The following SBF1 variants were observed in gnomAD, a reference collection of about 807,000 sequenced individuals.
SBF1 encodes SET binding factor 1.
Under a neutral mutation model 215.8 loss-of-function variants are expected in SBF1, and 65 were observed. That is an observed-to-expected ratio of 0.30 (90% CI 0.25 to 0.37). SBF1 has a LOEUF of 0.37. Ranked by LOEUF, SBF1 falls within the 10% of genes least tolerant of loss-of-function variation. SBF1 has a pLI of 1.00. For synonymous variants in SBF1, 1,410 were observed against 1,122.8 expected (o/e 1.26, Z -5.11); for missense variants, 2,634 against 2,667.8 (o/e 0.99, Z 0.28).
At chr22:50,456,070 C>T (rs2067234238) in intron 31 of SBF1, 146 bp downstream of exon 31, 3 of 877,022 alleles carry the variant, frequency 3.4e-6, no homozygotes, top group South Asian at 3.6e-5. Context: ...CTTCTAGGCA[C>T]CAGAGCCTGG....
At position 50,461,241 on chromosome 22, in the gene SBF1, G is replaced by A. The variant is rs2067495480; in HGVS notation, c.2885C>T (p.Thr962Ile). ...CTGGACGCTGATGCGCTTCTCCTTGGTCAGCGCAGCCACCGGGAAGGAGCG... is the reference window on the plus strand; with the variant it reads ...CTGGACGCTGATGCGCTTCTCCTTGATCAGCGCAGCCACCGGGAAGGAGCG... ...VVRSFPVAAL[T>I]KEKRISVQTP... Residue 962 changes from threonine (T) to isoleucine (I), a missense_variant, in exon 23 of 41, where the codon ACC becomes ATC. Transcript: ENST00000380817. 4 of 1,613,364 alleles carry A rather than the reference G, an allele frequency of 2.5e-6. No individual in the cohort carries two copies. In the African/African-American group the frequency reaches 4.0e-5, roughly 16 times the overall value.
At chr22:50,473,088 G>A (rs922555120) in intron 1 of SBF1, among the ~76,000 whole-genome samples, 3 of 152,144 alleles carry the variant, frequency 2.0e-5, no homozygotes, top group Admixed American at 2.0e-4. Context: ...CAGCCAGCTT[G>A]TTGTGGAGCC....
At chr22:50,453,791 TA>T (rs879707358) in intron 36 of SBF1, among the ~76,000 whole-genome samples, 40 of 139,966 alleles carry the variant, frequency 2.9e-4, no homozygotes, top group South Asian at 6.8e-4. Context: ...CATCTCAAAA[TA>T]AAAAAAAAAA....
Position 50,461,844 on chromosome 22 carries a change from G to A in SBF1, c.2595C>T (p.Thr865=), listed in dbSNP as rs959265053. 6.2e-7 allele frequency: 1 copy of A among 1,613,816 alleles called. No homozygotes were observed. The highest frequency in any genetic ancestry group is 8.5e-7 in the Non-Finnish European group (1 of 1,180,030). Residue 865 remains threonine (T), a synonymous_variant, in exon 21 of 41, where the codon ACC becomes ACT. Transcript: ENST00000380817. ...GGCTCTCCCGCTGCACGGCCTCCAG[G>A]GTCTCGATGTGCATCTGGACAATGT... The part of the protein sequence containing the change: ...VPDIVQMHIE[T]LEAVQRESRR...
At position 50,465,790 on chromosome 22, in the gene SBF1, C is replaced by T. The variant is rs1411887281; in HGVS notation, c.1062G>A (p.Thr354=). 4.3e-6 allele frequency: 7 copies of T among 1,609,852 alleles called. No individual in the cohort carries two copies. The highest frequency in any genetic ancestry group is 4.5e-5 in the East Asian group (2 of 44,802). Residue 354 remains threonine, a synonymous_variant, in exon 10 of 41, where the codon ACG becomes ACA. Transcript: ENST00000380817. Reference sequence around the variant, plus strand: ...GCATCTTCAGGGAGGAGGTGGATGTCGTGGGCGGAGGGAAGGCGAGGTCAG... The same window carrying T: ...GCATCTTCAGGGAGGAGGTGGATGTTGTGGGCGGAGGGAAGGCGAGGTCAG... ...ELADLAFPPP[T]TSTSSLKMQD... is the part of the protein sequence containing the mutation.
rs188852156 is a variant in SBF1 at position 50,467,022 on chromosome 22, G to A, written c.550-312C>T. 304 of 569,678 alleles carry A rather than the reference G, an allele frequency of 5.3e-4. 1 individual carries two copies. Among genetic ancestry groups the A allele is most frequent in the Non-Finnish European group, 1.2e-4 (37 of 320,322 alleles). 35.3% of individuals were successfully genotyped at this position (569,678 alleles called of 1,614,324 possible). A position where few individuals can be genotyped will look rare whatever the true frequency, so the allele number is the denominator to read the frequency against. ...TCCAGCTGCACAGGACAGACGGGCA[G>A]AAAGACACGGTTAGACACTCCAACA... On this transcript the variant is annotated intron_variant, in intron 5 of 40. Transcript: ENST00000380817.
intron 6 of SBF1, 57 bp from the exon 7 acceptor site, chr22:50,466,539 G>A (rs993107462): frequency 6.5e-7 from 1 of 1,529,636 alleles, no homozygotes. Flanking sequence ...GGCAGAGTGA[G>A]AACCCACATC....
In SBF1 at chr22:50,468,317, G is replaced by A; in HGVS notation, c.141+59C>T. On this transcript the variant is annotated intron_variant, in intron 2 of 40. Transcript: ENST00000380817. The stretch of plus-strand genomic sequence containing the variant: ...GCCCCTCAGTCAGGGACAAGGGCAG[G>A]GCTGTGCCCACCTGCCCTCCCCACC... 5.3e-6 allele frequency: 8 copies of A among 1,509,638 alleles called. 1 individual carries two copies. The highest frequency in any genetic ancestry group is 4.6e-5 in the South Asian group (4 of 87,318). The allele number at this position is 1,509,638 out of a possible 1,614,324, so 93.5% of individuals were successfully genotyped here.
chr22:50,453,189 C>G (rs2067115852), intron 36 of SBF1, among the ~76,000 whole-genome samples: 1 of 152,076 alleles, frequency 6.6e-6, no homozygotes, highest in Non-Finnish European at 1.5e-5. Flanking sequence ...ACACACAGAC[C>G]AGTAAAAAAT....
intron 1 of SBF1, among the ~76,000 whole-genome samples, chr22:50,469,439 G>A (rs1418266695): frequency 6.6e-6 from 1 of 152,208 alleles, no homozygotes; most frequent in African/African-American, 2.4e-5. Flanking sequence ...TGGGGTAAAG[G>A]TCCCTGCCTG....
Position 50,457,033 on chromosome 22 carries a change from C to T in SBF1, c.3904+1G>A. On this transcript the variant is annotated splice_donor_variant, in intron 29 of 40. Coordinates refer to ENST00000380817, the MANE Select transcript of SBF1 (RefSeq NM_002972.4). LOFTEE classifies it high-confidence loss of function. ...GGGCCTGCGCAGGCTCGGTACGGTA[C>T]CTCGGGGTGCGGTCCGTCTGGAGGC... The T allele has an allele frequency of 7.0e-7, 1 of 1,432,568 alleles. No homozygotes were observed. Among genetic ancestry groups the T allele is most frequent in the Non-Finnish European group, 9.1e-7 (1 of 1,095,462 alleles). 88.7% of individuals were successfully genotyped at this position (1,432,568 alleles called of 1,614,324 possible).
At chr22:50,457,448 C>CGAGA in intron 28 of SBF1, 1 of 275,874 alleles carries the variant, frequency 3.6e-6, no homozygotes, top group South Asian at 1.2e-4. Flanking sequence ...GCCCTTTGTC[C>CGAGA]TCCACTCAGG....
chr22:50,463,435 G>T lies in SBF1; in HGVS notation c.1750-3C>A, dbSNP rs2067606816. 2 of 1,565,074 alleles carry T rather than the reference G, an allele frequency of 1.3e-6. No homozygotes were observed. The highest frequency in any genetic ancestry group is 1.3e-5 in the African/African-American group (1 of 74,074). Reference sequence around the variant, plus strand: ...GCCCTCAACACGGCTGGGAGCAGCTGGGGGTGGGGAAAGGAGACACGGGCT... The same window carrying T: ...GCCCTCAACACGGCTGGGAGCAGCTTGGGGTGGGGAAAGGAGACACGGGCT... On this transcript the variant is annotated splice_polypyrimidine_tract_variant and splice_region_variant and intron_variant, in intron 15 of 40. Transcript: ENST00000380817.
chr22:50,464,810 C>T lies in SBF1; in HGVS notation c.1431+9G>A, dbSNP rs2067677687. ...GGTACGACGCCCTCCCGTCCTGCTA[C>T]CCTCGTACGTTCTTGTAGAGCTGCT... is the stretch of plus-strand genomic sequence containing the variant. On this transcript the variant is annotated intron_variant, in intron 13 of 40. Transcript: ENST00000380817. The T allele has an allele frequency of 6.2e-7, 1 of 1,613,454 alleles. No homozygotes were observed. The highest frequency in any genetic ancestry group is 8.5e-7 in the Non-Finnish European group (1 of 1,179,912).
chr22:50,462,329 T>C lies in SBF1; in HGVS notation c.2272A>G (p.Ile758Val). ...TAGCTCATGCGGTTGGCATAGTGGA[T>C]GGCCTGGCTGAACACCGTGCTCTCC... Reference protein sequence around the residue: ...KEESTVFSQAIHYANRMSYLL... With the variant: ...KEESTVFSQAVHYANRMSYLL... The change falls in exon 19 of 41, where the codon ATC becomes GTC. Residue 758 changes from isoleucine to valine, a missense_variant. By Grantham distance (29) the Ile-to-Val change is conservative. Coordinates refer to ENST00000380817, the MANE Select transcript of SBF1 (RefSeq NM_002972.4). The C allele has an allele frequency of 1.2e-6, 2 of 1,614,088 alleles. No individual in the cohort carries two copies. Among genetic ancestry groups the C allele is most frequent in the East Asian group, 2.2e-5 (1 of 44,888 alleles).
rs566858916 is a variant in SBF1 at position 50,445,061 on chromosome 22, T to G, written c.*2081A>C. 1.3e-5 allele frequency: 2 copies of G among 152,576 alleles called. No homozygotes were observed. Among genetic ancestry groups the G allele is most frequent in the Non-Finnish European group, 2.9e-5 (2 of 68,134 alleles). 9.5% of individuals were successfully genotyped at this position (152,576 alleles called of 1,614,324 possible). A position where few individuals can be genotyped will look rare whatever the true frequency, so the allele number is the denominator to read the frequency against. On this transcript the variant is annotated 3_prime_UTR_variant, in exon 41 of 41. Coordinates refer to ENST00000380817, the MANE Select transcript of SBF1 (RefSeq NM_002972.4). The stretch of plus-strand genomic sequence containing the variant: ...TGACAGGGCACCCCAAACCCCCAAC[T>G]CCCAATAAAAGCCGTGACGTTCGGA...
rs2067165560 is a variant in SBF1 at position 50,454,439 on chromosome 22, A to G, written c.5043+73T>C. The G allele has an allele frequency of 9.1e-6, 12 of 1,324,524 alleles. No homozygotes were observed. The South Asian group carries it at 1.2e-4, about 13-fold the overall frequency. The allele number at this position is 1,324,524 out of a possible 1,614,324, so 82.0% of individuals were successfully genotyped here. ...TACGTGCATGTACGAGTGTACACAC[A>G]CACGCACGACCCTGGTGTCTGAGCG... is the stretch of plus-strand genomic sequence containing the variant. On this transcript the variant is annotated intron_variant, in intron 36 of 40. Coordinates refer to ENST00000380817, the MANE Select transcript of SBF1 (RefSeq NM_002972.4).
At chr22:50,466,979 G>A (rs540105469) in intron 5 of SBF1, 9 of 557,066 alleles carry the variant, frequency 1.6e-5, no homozygotes, top group Admixed American at 6.9e-5. Flanking sequence ...AATCCATACC[G>A]CTCCTTCCTC....
At chr22:50,474,722 A>C in intron 1 of SBF1, 64 bp downstream of exon 1, 5 of 1,214,634 alleles carry the variant, frequency 4.1e-6, no homozygotes, top group Non-Finnish European at 5.5e-6. Context: ...CCTCAGACCC[A>C]GCCCCTGGCC....
Sources: allele counts gnomAD v4.1 joint callset (sites outside exome capture counted in the v4.1 genomes callset), GRCh38; gene constraint gnomAD v4.1.1; transcripts MANE v1.5; gene names NCBI Gene and HGNC (gene_info 2026-07-23, HGNC 2026-07-21).